Variants in MUC6 observed in about 807,000 individuals in gnomAD.
The protein encoded by MUC6 is mucin-6.
In MUC6, 188 loss-of-function variants were observed where a neutral mutation model predicts 201.5. The ratio of observed to expected loss-of-function variants is 0.93; its 90% CI spans 0.83 to 1.05. The LOEUF (loss-of-function observed/expected upper bound fraction) is 1.05, where lower values mean the gene tolerates loss of function less well. MUC6 is among the 50% of genes least tolerant of loss of function. The probability of loss-of-function intolerance (pLI) is 0.00; values close to 1 mark genes in which losing one functional copy is unlikely to be tolerated. For synonymous variants in MUC6, 1,228 were observed against 1,389.4 expected, an observed-to-expected ratio of 0.88 and a Z score of 2.58; for missense variants, 2,706 against 3,256.9, an observed-to-expected ratio of 0.83 and a Z score of 4.12.
At chr11:1,021,306 T>C in intron 26 of MUC6, 29 bp from the exon 27 acceptor site, 1 of 1,473,936 alleles carries the variant, frequency 6.8e-7, no homozygotes. Context: ...AGGGTCTGTG[T>C]GACTGGTGGC....
chr11:1,013,597 G>A lies in MUC6; in HGVS notation c.7179C>T (p.Cys2393=), dbSNP rs1205719918. 4 of 1,567,384 alleles carry A rather than the reference G, an allele frequency of 2.6e-6. No individual in the cohort carries two copies. The highest frequency in any genetic ancestry group is 2.7e-5 in the African/African-American group (2 of 73,740). The change falls in exon 33 of 33, where the codon TGC becomes TGT. Residue 2393 remains cysteine, a synonymous_variant. Transcript: ENST00000421673. ...AGGAGTGGAGGGGGCGGCAGCAGCT[G>A]CAGCGGGCATCCACCTGCTGGGTGA... ...NIITQQVDAR[C]SCCRPLHSYE...
rs1339346459 is a variant in MUC6 at position 1,031,728 on chromosome 11, A to T, written c.362T>A (p.Ile121Asn). 1 of 1,550,562 alleles carries T rather than the reference A, an allele frequency of 6.4e-7. No individual in the cohort carries two copies. Among genetic ancestry groups the T allele is most frequent in the Non-Finnish European group, 8.7e-7 (1 of 1,146,922 alleles). ...TCCATTGCTGGTATAGGGCAGGCTG[A>T]TGACCCTGTGGGGCAAGGGAAGTCG... ...AIISVKDIGV[I>N]SLPYTSNGLQ... Residue 121 changes from isoleucine to asparagine, a missense_variant, in exon 4 of 33, where the codon ATC becomes AAC. Physicochemically the swap from Ile to Asn is moderately radical, Grantham distance 149 (BLOSUM62 -3). Around this residue, in one of 10 missense-constraint regions of MUC6, gnomAD observed 1,850 missense variants for 1,958.3 expected, o/e 0.94. Coordinates refer to ENST00000421673, the MANE Select transcript of MUC6 (RefSeq NM_005961.3).
At position 1,013,400 on chromosome 11, in the gene MUC6, T is replaced by A; in HGVS notation, c.*56A>T. ...CAAGCGGGAAGGGGGCTGGTGGGTG[T>A]TTTCCTGTCTGTCATCTGCAGTCCT... On this transcript the variant is annotated 3_prime_UTR_variant, in exon 33 of 33. Coordinates refer to ENST00000421673, the MANE Select transcript of MUC6 (RefSeq NM_005961.3). 1 of 1,490,248 alleles carries A rather than the reference T, an allele frequency of 6.7e-7. No homozygotes were observed. The highest frequency in any genetic ancestry group is 9.0e-7 in the Non-Finnish European group (1 of 1,109,024). The allele number at this position is 1,490,248 out of a possible 1,614,324, so 92.3% of individuals were successfully genotyped here.
chr11:1,025,784 A>G (rs1856941977), intron 22 of MUC6, 21 bp downstream of exon 22: 2 of 1,595,752 alleles, frequency 1.3e-6, no homozygotes, highest in South Asian at 2.2e-5. Flanking sequence ...CTGCCCTGCC[A>G]GAGTCTGCCC....
intron 13 of MUC6, 94 bp downstream of exon 13, chr11:1,028,552 G>A (rs1857022266): frequency 1.3e-6 from 2 of 1,547,062 alleles, no homozygotes; most frequent in Non-Finnish European, 8.8e-7. Context: ...ACAGAGGGTT[G>A]TGTGAACCTC....
chr11:1,024,396 A>G (rs914714550), intron 24 of MUC6, among the ~76,000 whole-genome samples: 7 of 152,028 alleles, frequency 4.6e-5, no homozygotes, highest in Non-Finnish European at 8.8e-5. Context: ...TGCTCCCCCC[A>G]CGTCACGCTC....
At chr11:1,029,878 C>G (rs1263296533) in intron 8 of MUC6, among the ~76,000 whole-genome samples, 1 of 152,218 alleles carries the variant, frequency 6.6e-6, no homozygotes, top group Admixed American at 6.5e-5. Context: ...TGTGCCCGGC[C>G]CAGGTTCCTG....
chr11:1,020,764 G>A lies in MUC6; in HGVS notation c.3590-30C>T, dbSNP rs554195163. 9.3e-6 allele frequency: 15 copies of A among 1,610,052 alleles called. No homozygotes were observed. The South Asian group carries it at 1.2e-4, about 13-fold the overall frequency. ...AAGAAGATGGGGTCAGCTCCCTGTG[G>A]TTCTCTAAGCCTCCCCACCCCGTGG... On this transcript the variant is annotated intron_variant, in intron 27 of 32. Transcript: ENST00000421673.
Position 1,030,658 on chromosome 11 carries a change from G to A in MUC6, c.807C>T (p.Ser269=). 6.5e-7 allele frequency: 1 copy of A among 1,549,776 alleles called. No homozygotes were observed. The highest frequency in any genetic ancestry group is 8.7e-7 in the Non-Finnish European group (1 of 1,149,046). ...AGTACTCCGACAGGGTGGCACAACT[G>A]CTGTTCTGTGGGCCTGGCTGGGGGG... The part of the protein sequence containing the change: ...AAAPQPGPQN[S]SCATLSEYSR... The change falls in exon 7 of 33, where the codon AGC becomes AGT. Residue 269 remains serine (S), a synonymous_variant. Transcript: ENST00000421673.
chr11:1,032,754 C>G (rs1177758516), intron 2 of MUC6, among the ~76,000 whole-genome samples: 2 of 144,934 alleles, frequency 1.4e-5, no homozygotes, highest in Non-Finnish European at 3.0e-5. Context: ...GGTTGTGTGT[C>G]TGTGTAGAGT....
chr11:1,018,221 G>C lies in MUC6; in HGVS notation c.4580C>G (p.Ser1527Ter). The C allele has an allele frequency of 6.2e-7, 1 of 1,613,962 alleles. No homozygotes were observed. The highest frequency in any genetic ancestry group is 1.3e-5 in the African/African-American group (1 of 75,056). Residue 1527 changes from serine (S) to a stop codon, truncating the protein, a stop_gained, in exon 31 of 33, where the codon TCA becomes TGA. Transcript: ENST00000421673. LOFTEE classifies it high-confidence loss of function. ...STNKTPTSLH[S>*]HTSSTHHPEV... ...AGGATGGTGTGTGGAGGAAGTGTGT[G>C]AATGTAGCGAGGTAGGTGTTTTGTT... is the stretch of plus-strand genomic sequence containing the variant.
In MUC6 at chr11:1,030,687, C is replaced by T. The variant is rs769689568; in HGVS notation, c.778G>A (p.Ala260Thr). The change falls in exon 7 of 33, where the codon GCA becomes ACA. Residue 260 changes from alanine to threonine, a missense_variant. Coordinates refer to ENST00000421673, the MANE Select transcript of MUC6 (RefSeq NM_005961.3). ...FVLSCQADVA[A>T]APQPGPQNSS... ...TTCTGTGGGCCTGGCTGGGGGGCTG[C>T]GGCCACGTCCGCCTGGCAGCTTAGC... The T allele has an allele frequency of 4.3e-5, 66 of 1,548,744 alleles. No homozygotes were observed. The East Asian group carries it at 7.0e-4, about 17-fold the overall frequency.
Position 1,014,141 on chromosome 11 carries a change from C to A in MUC6, c.7040-140G>T, listed in dbSNP as rs1016514935. 7 of 700,436 alleles carry A rather than the reference C, an allele frequency of 1.0e-5. No homozygotes were observed. In the Admixed American group the frequency reaches 1.0e-4, roughly 10 times the overall value. 43.4% of individuals were successfully genotyped at this position (700,436 alleles called of 1,614,324 possible). On this transcript the variant is annotated intron_variant, in intron 31 of 32. Coordinates refer to ENST00000421673, the MANE Select transcript of MUC6 (RefSeq NM_005961.3). ...TGTGGTCTCCCCTTGTGGAGCCCCA[C>A]AGAGCTCAGACCTCAGCCATACACA...
chr11:1,027,555 G>A (rs1277647990), intron 16 of MUC6, 38 bp from the exon 17 acceptor site: 2 of 1,606,584 alleles, frequency 1.2e-6, no homozygotes, highest in Non-Finnish European at 1.7e-6. Flanking sequence ...CCGGGAGGGG[G>A]CGGCCGGGAG....
At chr11:1,031,372 T>A in intron 4 of MUC6, 113 bp from the exon 5 acceptor site, 1 of 1,176,638 alleles carries the variant, frequency 8.5e-7, no homozygotes. Context: ...CCCCACCTGC[T>A]CATCTGCCTC....
At chr11:1,034,090 G>T (rs1857167713) in intron 1 of MUC6, among the ~76,000 whole-genome samples, 1 of 152,238 alleles carries the variant, frequency 6.6e-6, no homozygotes, top group Non-Finnish European at 1.5e-5. Flanking sequence ...TGACGCAGGG[G>T]CAGGGGCCTG....
At chr11:1,018,837 G>C (rs115065637) in intron 30 of MUC6, 67 bp from the exon 31 acceptor site, 1 of 1,507,584 alleles carries the variant, frequency 6.6e-7, no homozygotes, top group Admixed American at 2.3e-5. Context: ...CCGCTGGCCC[G>C]TCCTTTTGTC....
At position 1,013,920 on chromosome 11, in the gene MUC6, C is replaced by A. The variant is rs1856540103; in HGVS notation, c.7121G>T (p.Gly2374Val). The A allele has an allele frequency of 1.9e-6, 3 of 1,606,798 alleles. No homozygotes were observed. The highest frequency in any genetic ancestry group is 2.5e-6 in the Non-Finnish European group (3 of 1,177,468). The stretch of plus-strand genomic sequence containing the variant: ...TCACCTGGCAGCGGAAATGCAGGCG[C>A]CCTCACAGCGGGTTACCGTCACGTT... The part of the protein sequence containing the change: ...MANVTVTRCE[G>V]ACISAASFNI... The change falls in exon 32 of 33, where the codon GGC (glycine) becomes GTC (valine). Residue 2374 changes from glycine (G) to valine (V), a missense_variant. Transcript: ENST00000421673.
In MUC6 at chr11:1,018,579, AGT is replaced by A; in HGVS notation, c.4220_4221del (p.His1407LeufsTer33). On this transcript the variant is annotated frameshift_variant, in exon 31 of 33. Transcript: ENST00000421673. LOFTEE classifies it high-confidence loss of function. ...YTTPQTPHTT[H>X]SPPTAGSPVP... ...ACGGGACTCCCCGCCGTAGGCGGGG[AGT>A]GTGTGGTGTGTGGGGTTTGGGGCGT... The A allele has an allele frequency of 6.2e-7, 1 of 1,611,634 alleles. No homozygotes were observed. Among genetic ancestry groups the A allele is most frequent in the Non-Finnish European group, 8.5e-7 (1 of 1,179,220 alleles).
Sources: gnomAD v4.1 joint callset for allele counts (sites outside exome capture counted in the v4.1 genomes callset) on GRCh38, gnomAD v4.1.1 for gene constraint, gnomAD v4.1.1 regional missense constraint, MANE v1.5 for transcripts, NCBI Gene and HGNC (gene_info 2026-07-23, HGNC 2026-07-21) for gene names.